The following STXBP4 variants were observed in gnomAD, a reference collection of about 807,000 sequenced individuals.
The protein encoded by STXBP4 is syntaxin binding protein 4.
Under a neutral mutation model 76.1 loss-of-function variants are expected in STXBP4, and 55 were observed. The ratio of observed to expected loss-of-function variants is 0.72; its 90% CI spans 0.58 to 0.91. STXBP4 has a LOEUF of 0.91. STXBP4 is among the 40% of genes least tolerant of loss of function. STXBP4 has a pLI of 0.00. For missense variants in STXBP4, 618 were observed against 636.9 expected, an observed-to-expected ratio of 0.97 and a Z score of 0.32; for synonymous variants, 201 against 220.2, an observed-to-expected ratio of 0.91 and a Z score of 0.77.
intron 17 of STXBP4, among the ~76,000 whole-genome samples, chr17:55,153,653 A>T (rs1387592148): frequency 6.6e-6 from 1 of 152,176 alleles, no homozygotes; most frequent in Non-Finnish European, 1.5e-5. Flanking sequence ...TCTTTTGTTG[A>T]TTAAATTAAG....
intron 1 of STXBP4, among the ~76,000 whole-genome samples, chr17:54,984,565 G>A (rs1050108756): frequency 2.0e-5 from 3 of 151,638 alleles, no homozygotes; most frequent in Admixed American, 6.6e-5. Flanking sequence ...GGATGGTCTC[G>A]ATCTCCTGAC....
At chr17:54,974,327 T>C (rs1001117670) in intron 1 of STXBP4, among the ~76,000 whole-genome samples, 12 of 152,342 alleles carry the variant, frequency 7.9e-5, no homozygotes, top group African/African-American at 2.9e-4. Context: ...AAAGGCAGGG[T>C]AATCATTGTT....
the STXBP4 span, among the ~76,000 whole-genome samples, chr17:55,185,499 T>C: frequency 1.5e-4 from 23 of 152,116 alleles, no homozygotes; most frequent in South Asian, 1.5e-3. Context: ...AATTATAAGG[T>C]ACATGAAGTA....
intron 16 of STXBP4, among the ~76,000 whole-genome samples, chr17:55,108,775 C>A (rs936137423): frequency 8.5e-5 from 13 of 152,102 alleles, no homozygotes; most frequent in African/African-American, 3.1e-4. Context: ...AAGCTGGGTA[C>A]CTCAGTTGGA....
intron 7 of STXBP4, among the ~76,000 whole-genome samples, chr17:55,002,872 C>G (rs2077943289): frequency 6.6e-6 from 1 of 152,150 alleles, no homozygotes; most frequent in African/African-American, 2.4e-5. Flanking sequence ...TATATGCTTA[C>G]TAAATTTTCC....
chr17:55,038,599 C>A (rs921425501), intron 10 of STXBP4, among the ~76,000 whole-genome samples: 7 of 151,768 alleles, frequency 4.6e-5, no homozygotes, highest in African/African-American at 1.5e-4. Context: ...TGAGTCTAAT[C>A]ATCATTGCTA....
chr17:55,021,768 A>G lies in STXBP4; in HGVS notation c.667-9400A>G, dbSNP rs751092581. 2.6e-5 allele frequency among the ~76,000 whole-genome samples: 4 copies of G among 152,224 alleles called. No individual in the cohort carries two copies. In the East Asian group the frequency reaches 7.7e-4, roughly 29 times the overall value. ...GAAATAGTTACATTTTAACTTTCAC[A>G]TAAATTATAAAATGTTACTATGTTA... On this transcript the variant is annotated intron_variant, in intron 8 of 17. Coordinates refer to ENST00000376352, the MANE Select transcript of STXBP4 (RefSeq NM_178509.6).
chr17:55,054,960 T>G (rs1186094504), intron 12 of STXBP4, among the ~76,000 whole-genome samples: 1 of 152,144 alleles, frequency 6.6e-6, no homozygotes, highest in Admixed American at 6.6e-5. Context: ...GAAATTTGCT[T>G]GTGTTTGTGG....
intron 8 of STXBP4, among the ~76,000 whole-genome samples, chr17:55,025,140 CA>C (rs200832162): frequency 0.022 from 3,191 of 142,138 alleles, 121 homozygotes; most frequent in African/African-American, 0.078. Context: ...GACTCCGTCT[CA>C]AAAAAAAAAA....
intron 16 of STXBP4, among the ~76,000 whole-genome samples, chr17:55,121,912 T>C (rs1421435163): frequency 1.3e-5 from 2 of 152,032 alleles, no homozygotes; most frequent in Non-Finnish European, 2.9e-5. Flanking sequence ...AGACGAAATG[T>C]GTAGGGATCA....
intron 16 of STXBP4, among the ~76,000 whole-genome samples, chr17:55,138,948 A>G (rs922266122): frequency 1.3e-5 from 2 of 152,224 alleles, no homozygotes; most frequent in East Asian, 1.9e-4. Context: ...TGTCTTTTAT[A>G]TAATAGATTA....
chr17:55,004,616 G>A (rs969072985), intron 7 of STXBP4, among the ~76,000 whole-genome samples: 6 of 151,442 alleles, frequency 4.0e-5, no homozygotes, highest in South Asian at 2.1e-4. Flanking sequence ...TGGGAGGATC[G>A]CTTGAGCCCA....
chr17:55,133,075 T>A (rs2079990380), intron 16 of STXBP4, among the ~76,000 whole-genome samples: 1 of 152,112 alleles, frequency 6.6e-6, no homozygotes, highest in Non-Finnish European at 1.5e-5. Context: ...TTTTTAATGA[T>A]GCTGCCTACT....
At chr17:54,989,849 C>T (rs1359640947) in intron 3 of STXBP4, among the ~76,000 whole-genome samples, 1 of 152,156 alleles carries the variant, frequency 6.6e-6, no homozygotes, top group Non-Finnish European at 1.5e-5. Context: ...ACAGAAATTA[C>T]AGTTGAAACA....
chr17:55,002,765 C>T (rs2077941735), intron 7 of STXBP4, among the ~76,000 whole-genome samples: 1 of 152,176 alleles, frequency 6.6e-6, no homozygotes, highest in African/African-American at 2.4e-5. Flanking sequence ...ATCTTATTAG[C>T]TCTGTAACCT....
chr17:54,979,914 G>C (rs1014315967), intron 1 of STXBP4, among the ~76,000 whole-genome samples: 2 of 152,130 alleles, frequency 1.3e-5, no homozygotes, highest in African/African-American at 4.8e-5. Context: ...TGGCAAGGAA[G>C]GATGGGAATT....
At chr17:55,108,903 A>G (rs112959985) in intron 16 of STXBP4, among the ~76,000 whole-genome samples, 2 of 152,320 alleles carry the variant, frequency 1.3e-5, no homozygotes, top group African/African-American at 2.4e-5. Context: ...GTTTTAATTC[A>G]TTCCTAATTG....
chr17:55,120,166 A>C (rs1480156953), intron 16 of STXBP4, among the ~76,000 whole-genome samples: 1 of 152,216 alleles, frequency 6.6e-6, no homozygotes, highest in Non-Finnish European at 1.5e-5. Context: ...AGGACATGAG[A>C]AAGAGTGATT....
At chr17:55,194,818 A>T in the STXBP4 span, among the ~76,000 whole-genome samples, 2 of 152,312 alleles carry the variant, frequency 1.3e-5, no homozygotes, top group Admixed American at 6.5e-5. Flanking sequence ...AGACAGGTAG[A>T]GCAGTGTGAG....
Sources: gnomAD v4.1 joint callset for allele counts (sites outside exome capture counted in the v4.1 genomes callset) on GRCh38, gnomAD v4.1.1 for gene constraint, MANE v1.5 for transcripts, NCBI Gene and HGNC (gene_info 2026-07-23, HGNC 2026-07-21) for gene names.